Variants in TULP4 observed in about 807,000 individuals in gnomAD.
TULP4 encodes the protein TUB like protein 4, also known as tubby-related protein 4.
Under a neutral mutation model 129.0 loss-of-function variants are expected in TULP4, and 16 were observed. The ratio of observed to expected loss-of-function variants is 0.12; its 90% CI spans 0.08 to 0.19. The LOEUF (loss-of-function observed/expected upper bound fraction) is 0.19, where lower values mean the gene tolerates loss of function less well. Ranked by LOEUF, TULP4 falls within the 10% of genes least tolerant of loss-of-function variation. TULP4 has a pLI of 1.00. For missense variants in TULP4, 1,842 were observed against 2,059.1 expected (o/e 0.89, Z 2.04); for synonymous variants, 998 against 854.0 (o/e 1.17, Z -2.94).
rs555331068 is a variant in TULP4, at chr6:158,505,982, C to G, written c.4516-596C>G. On this transcript the variant is annotated intron_variant, in intron 13 of 13. Coordinates refer to ENST00000367097, the MANE Select transcript of TULP4 (RefSeq NM_020245.5). ...TCACCCAAACATTGGATGTTGTACC[C>G]CACAGGTAACTTTTCACGGATGGAG... 4.6e-5 allele frequency among the ~76,000 whole-genome samples: 7 copies of G among 151,940 alleles called. No individual in the cohort carries two copies. The South Asian group carries it at 1.5e-3, about 32-fold the overall frequency.
At chr6:158,353,554 AT>A (rs1364785265) in intron 1 of TULP4, among the ~76,000 whole-genome samples, 1 of 152,136 alleles carries the variant, frequency 6.6e-6, no homozygotes, top group Non-Finnish European at 1.5e-5. Flanking sequence ...ACCTAGTAAA[AT>A]TCTCAGTGTG....
chr6:158,377,900 G>A (rs889500876), intron 1 of TULP4, among the ~76,000 whole-genome samples: 3 of 152,172 alleles, frequency 2.0e-5, no homozygotes, highest in South Asian at 2.1e-4. Context: ...TCAGGATTCC[G>A]TGGGTCAGCA....
chr6:158,293,967 G>A (rs969020605), intron 1 of TULP4, among the ~76,000 whole-genome samples: 2 of 152,112 alleles, frequency 1.3e-5, no homozygotes, highest in Non-Finnish European at 2.9e-5. Flanking sequence ...AACCAGCCTC[G>A]GGGCAGCCAT....
chr6:158,265,836 A>G (rs575611670), intron 1 of TULP4, among the ~76,000 whole-genome samples: 1 of 152,312 alleles, frequency 6.6e-6, no homozygotes, highest in African/African-American at 2.4e-5. Context: ...ATCATTGGAC[A>G]GCACCCCCAA....
chr6:158,327,086 AT>A (rs1779762246), intron 1 of TULP4, among the ~76,000 whole-genome samples: 1 of 151,386 alleles, frequency 6.6e-6, no homozygotes, highest in African/African-American at 2.4e-5. Flanking sequence ...TGTGAAATGG[AT>A]TTATAAATAA....
At chr6:158,424,949 C>G (rs541738664) in intron 2 of TULP4, among the ~76,000 whole-genome samples, 2 of 150,508 alleles carry the variant, frequency 1.3e-5, no homozygotes, top group African/African-American at 2.4e-5. Context: ...GTCAGGAGAT[C>G]GAGACCATCC....
intron 1 of TULP4, among the ~76,000 whole-genome samples, chr6:158,257,838 C>T (rs9459814): frequency 0.33 from 50,006 of 152,106 alleles, 9,219 homozygotes; most frequent in Admixed American, 0.45. Context: ...TCCCCTTTAA[C>T]CTAGCATTAG....
chr6:158,258,583 T>A (rs565944231), intron 1 of TULP4, among the ~76,000 whole-genome samples: 2 of 152,306 alleles, frequency 1.3e-5, no homozygotes, highest in Admixed American at 1.3e-4. Context: ...TATAAAAATG[T>A]TAGAGACACC....
chr6:158,262,880 T>C (rs1172660908), intron 1 of TULP4, among the ~76,000 whole-genome samples: 1 of 79,762 alleles, frequency 1.3e-5, no homozygotes. Flanking sequence ...GGTGAAGCAT[T>C]CTTCTGCTGG....
intron 5 of TULP4, among the ~76,000 whole-genome samples, chr6:158,453,483 C>CAG (rs1779210101): frequency 4.0e-5 from 1 of 24,844 alleles, no homozygotes. Context: ...GACTCTGTCT[C>CAG]ACAAAAAAAA....
intron 1 of TULP4, among the ~76,000 whole-genome samples, 182 bp downstream of exon 1, chr6:158,314,450 A>C (rs1362767105): frequency 6.6e-6 from 1 of 152,152 alleles, no homozygotes; most frequent in Non-Finnish European, 1.5e-5. Context: ...AGTTCACAGT[A>C]GGCTGCGCCT....
chr6:158,376,443 A>G (rs1033242512), intron 1 of TULP4, among the ~76,000 whole-genome samples: 4 of 152,174 alleles, frequency 2.6e-5, no homozygotes, highest in Admixed American at 1.3e-4. Flanking sequence ...CTCCAAAGGC[A>G]TATGTCCGGG....
intron 1 of TULP4, among the ~76,000 whole-genome samples, chr6:158,369,684 A>G (rs574810440): frequency 3.5e-4 from 54 of 152,282 alleles, no homozygotes; most frequent in Non-Finnish European, 6.2e-4. Flanking sequence ...AGAACAGACA[A>G]TGCTATCATT....
intron 1 of TULP4, among the ~76,000 whole-genome samples, chr6:158,289,687 C>G (rs1428114413): frequency 6.6e-6 from 1 of 152,094 alleles, no homozygotes; most frequent in African/African-American, 2.4e-5. Context: ...CTCAAGTGAT[C>G]CTCCTACTTC....
intron 1 of TULP4, among the ~76,000 whole-genome samples, chr6:158,368,843 A>G (rs968410633): frequency 6.6e-6 from 1 of 152,238 alleles, no homozygotes; most frequent in East Asian, 1.9e-4. Context: ...ACAAGCAAGA[A>G]ATTTAACATT....
rs562002225 is a variant in TULP4 at position 158,298,160 on chromosome 6, C to T, written n.117-13891C>T. On this transcript the variant is annotated intron_variant and non_coding_transcript_variant, in intron 1 of 1. Coordinates refer to the TULP4 transcript ENST00000432358. ...GCAGTCAGACCTTATGGTTGTCTTC[C>T]CTTGTTCCCTAAAAATCGCTGTTAT... 1.8e-4 allele frequency among the ~76,000 whole-genome samples: 27 copies of T among 152,198 alleles called. No individual in the cohort carries two copies. In the South Asian group the frequency reaches 5.6e-3, roughly 32 times the overall value.
At chr6:158,345,976 G>T (rs1050188549) in intron 1 of TULP4, among the ~76,000 whole-genome samples, 2 of 152,092 alleles carry the variant, frequency 1.3e-5, no homozygotes, top group Non-Finnish European at 2.9e-5. Flanking sequence ...AATATTCCTT[G>T]CTAGGAAAAG....
intron 1 of TULP4, among the ~76,000 whole-genome samples, chr6:158,405,591 A>AGAGCAAG (rs536431013): frequency 1.9e-4 from 29 of 152,174 alleles, no homozygotes; most frequent in African/African-American, 6.3e-4. Flanking sequence ...CGATCCTGGG[A>AGAGCAAG]GAGCAAGGAG....
chr6:158,349,219 G>GCTA (rs1780416581), intron 1 of TULP4, among the ~76,000 whole-genome samples: 1 of 146,708 alleles, frequency 6.8e-6, no homozygotes, highest in Non-Finnish European at 1.5e-5. Flanking sequence ...CGGGGTGGCC[G>GCTA]GGCAGAGGCG....
Sources: gnomAD v4.1 joint callset for allele counts (sites outside exome capture counted in the v4.1 genomes callset) on GRCh38, gnomAD v4.1.1 for gene constraint, MANE v1.5 for transcripts, NCBI Gene and HGNC (gene_info 2026-07-23, HGNC 2026-07-21) for gene names.